The following ZKSCAN4 variants were observed in gnomAD, a reference collection of about 807,000 sequenced individuals.
ZKSCAN4 encodes zinc finger with KRAB and SCAN domains 4, also known as zinc finger protein with KRAB and SCAN domains 4.
A neutral mutation model predicts 30.8 loss-of-function variants in ZKSCAN4; 23 were observed. The ratio of observed to expected loss-of-function variants is 0.75; its 90% CI spans 0.54 to 1.06. The LOEUF (loss-of-function observed/expected upper bound fraction) is 1.06, where lower values mean the gene tolerates loss of function less well. Ranked by LOEUF, ZKSCAN4 falls within the 50% of genes least tolerant of loss-of-function variation. ZKSCAN4 has a pLI of 0.00. For synonymous variants in ZKSCAN4, 208 were observed against 252.5 expected (o/e 0.82, Z 1.67); for missense variants, 556 against 665.4 (o/e 0.84, Z 1.81).
the ZKSCAN4 span, among the ~76,000 whole-genome samples, chr6:28,258,620 T>C: frequency 1.4e-5 from 2 of 141,132 alleles, no homozygotes. Flanking sequence ...CTACAAATAA[T>C]TATTAAAAAA....
the ZKSCAN4 span, among the ~76,000 whole-genome samples, chr6:28,258,768 C>CA: frequency 2.1e-5 from 3 of 142,532 alleles, no homozygotes; most frequent in African/African-American, 7.8e-5. Flanking sequence ...ATCCTGTCTC[C>CA]AAAAAAAAAA....
At chr6:28,259,063 A>G in the ZKSCAN4 span, among the ~76,000 whole-genome samples, 3 of 152,204 alleles carry the variant, frequency 2.0e-5, no homozygotes, top group African/African-American at 7.2e-5. Context: ...ATCGAAAAAG[A>G]GAAGTGGGTG....
chr6:28,252,070 A>C lies in ZKSCAN4; in HGVS notation c.-90T>G. 1 of 1,397,862 alleles carries C rather than the reference A, an allele frequency of 7.2e-7. No individual in the cohort carries two copies. The highest frequency in any genetic ancestry group is 9.6e-7 in the Non-Finnish European group (1 of 1,042,352). The allele number at this position is 1,397,862 out of a possible 1,614,324, so 86.6% of individuals were successfully genotyped here. A position where few individuals can be genotyped will look rare whatever the true frequency, so the allele number is the denominator to read the frequency against. On this transcript the variant is annotated 5_prime_UTR_variant, in exon 1 of 5. Transcript: ENST00000377294. ...GAAGGGTGGTAAATTTTCCAGTAGA[A>C]CTGCAAGTGGTCCCCCTCCTGTCAT...
chr6:28,248,364 C>T (rs1451099980), intron 2 of ZKSCAN4, among the ~76,000 whole-genome samples: 1 of 152,168 alleles, frequency 6.6e-6, no homozygotes, highest in East Asian at 1.9e-4. Flanking sequence ...CGTGCAGAAT[C>T]GTTGGTAGGA....
rs68175458 is a variant in ZKSCAN4 at position 28,243,663 on chromosome 6, TC to T, written c.*1452del. 9.4e-3 allele frequency among the ~76,000 whole-genome samples: 1,416 copies of T among 150,808 alleles called. 22 individuals carry two copies. Among genetic ancestry groups the T allele is most frequent in the African/African-American group, 0.029 (1,200 of 40,786 alleles). On this transcript the variant is annotated 3_prime_UTR_variant, in exon 5 of 5. Transcript: ENST00000377294. ...GCTTCTGAACAGACACATTTTCTTT[TC>T]TTTTTTTTTTTTCTTTTTGAGACAG...
At position 28,251,025 on chromosome 6, in the gene ZKSCAN4, C is replaced by T. The variant is rs146286490; in HGVS notation, c.423+533G>A. On this transcript the variant is annotated intron_variant, in intron 1 of 4. Transcript: ENST00000377294. This position sits in a 1 kb window ranked among gnomAD's most constrained non-coding sequence, Gnocchi z 4.5. The stretch of plus-strand genomic sequence containing the variant: ...TCATAACCAGTGGTCCATGGACTTT[C>T]TCCCAAGTGGTCCATGAACTTAGAA... Among the ~76,000 whole-genome samples the T allele has an allele frequency of 1.9e-3, 293 of 152,338 alleles. 4 individuals are homozygous for T. Among genetic ancestry groups the T allele is most frequent in the Admixed American group, 0.017 (266 of 15,306 alleles).
chr6:28,256,720 T>C (rs1476893448), upstream of ZKSCAN4, among the ~76,000 whole-genome samples: 1 of 152,238 alleles, frequency 6.6e-6, no homozygotes, highest in Admixed American at 6.5e-5. Context: ...AAAGGTATGG[T>C]AGGCATTTAT....
intron 4 of ZKSCAN4, 181 bp from the exon 5 acceptor site, chr6:28,246,156 T>A: frequency 1.3e-6 from 1 of 742,614 alleles, no homozygotes; most frequent in Non-Finnish European, 2.1e-6. Flanking sequence ...GAAGGAGGCC[T>A]GAGAATGAGA....
intron 2 of ZKSCAN4, among the ~76,000 whole-genome samples, chr6:28,248,854 A>C (rs1352467156): frequency 6.6e-6 from 1 of 151,784 alleles, no homozygotes; most frequent in Admixed American, 6.6e-5. Flanking sequence ...AGAAAAAAGA[A>C]AAAGAAAAAC....
Position 28,249,777 on chromosome 6 carries a change from G to A in ZKSCAN4, c.481C>T (p.Gln161Ter). ...LLCCKMALLT[Q>*]TQGSQSSQCQ... is the part of the protein sequence containing the mutation. The stretch of plus-strand genomic sequence containing the variant: ...TGGCTACTTTGAGACCCTTGAGTTT[G>A]TGTCAATAGTGCCATCTTGCAACAG... The change falls in exon 2 of 5, where the codon CAA becomes TAA. Residue 161 changes from glutamine (Q) to a stop codon, truncating the protein, a stop_gained. Coordinates refer to ENST00000377294, the MANE Select transcript of ZKSCAN4 (RefSeq NM_019110.5). LOFTEE classifies it high-confidence loss of function. The surrounding 1 kb of genome is among the most constrained non-coding windows in gnomAD (Gnocchi z 4.1). 1.2e-6 allele frequency: 2 copies of A among 1,614,148 alleles called. No individual in the cohort carries two copies. Among genetic ancestry groups the A allele is most frequent in the South Asian group, 2.2e-5 (2 of 91,076 alleles).
In ZKSCAN4 at chr6:28,249,682, C is replaced by T. The variant is rs1760899239; in HGVS notation, c.571+5G>A. ...AATTCATACAACCCAGAAGAGAATA[C>T]TCACCTCTATCGTGTAAGGGCTGGG... On this transcript the variant is annotated splice_donor_5th_base_variant and intron_variant, in intron 2 of 4. Transcript: ENST00000377294. This position sits in a 1 kb window ranked among gnomAD's most constrained non-coding sequence, Gnocchi z 4.1. The T allele has an allele frequency of 1.2e-6, 2 of 1,612,724 alleles. No individual in the cohort carries two copies. The highest frequency in any genetic ancestry group is 1.1e-5 in the South Asian group (1 of 90,708).
Position 28,244,882 on chromosome 6 carries a change from G to T in ZKSCAN4, c.*234C>A. 1.7e-6 allele frequency: 1 copy of T among 584,512 alleles called. No individual in the cohort carries two copies. Among genetic ancestry groups the T allele is most frequent in the Non-Finnish European group, 3.0e-6 (1 of 329,462 alleles). 36.2% of individuals were successfully genotyped at this position (584,512 alleles called of 1,614,324 possible). ...CACTGGGTGAGAACAAACTATTTTAGGTCCTACAACTTCCAGACCACTCTC... is the reference window on the plus strand; with the variant it reads ...CACTGGGTGAGAACAAACTATTTTATGTCCTACAACTTCCAGACCACTCTC... On this transcript the variant is annotated 3_prime_UTR_variant, in exon 5 of 5. Coordinates refer to ENST00000377294, the MANE Select transcript of ZKSCAN4 (RefSeq NM_019110.5).
rs1020813368 is a variant in ZKSCAN4, at chr6:28,248,118, C to T, written c.603G>A (p.Gly201=). Residue 201 remains glycine (G), a synonymous_variant, in exon 3 of 5, where the codon GGG becomes GGA. Transcript: ENST00000377294. ...VLQVPGLAQG[G]CCREDAMVAS... is the part of the protein sequence containing the mutation. The stretch of plus-strand genomic sequence containing the variant: ...CTACCATTGCATCTTCTCTGCAGCA[C>T]CCTCCCTGGGCAAGCCCAGGAACCT... The T allele has an allele frequency of 2.5e-6, 4 of 1,613,618 alleles. No homozygotes were observed. Among genetic ancestry groups the T allele is most frequent in the African/African-American group, 1.3e-5 (1 of 74,894 alleles).
Position 28,247,069 on chromosome 6 carries a change from C to T in ZKSCAN4, c.678G>A (p.Val226=), listed in dbSNP as rs1239225345. The T allele has an allele frequency of 1.2e-6, 2 of 1,609,952 alleles. No homozygotes were observed. The highest frequency in any genetic ancestry group is 1.7e-6 in the Non-Finnish European group (2 of 1,178,226). Reference sequence around the variant, plus strand: ...TCCACCCAGGAGTGAGGGTCAGGGCCACATCTTCCATTTTCAGCAAACCCT... The same window carrying T: ...TCCACCCAGGAGTGAGGGTCAGGGCTACATCTTCCATTTTCAGCAAACCCT... The part of the protein sequence containing the change: ...GSQGLLKMED[V]ALTLTPGWTQ... Residue 226 remains valine (V), a synonymous_variant, in exon 4 of 5, where the codon GTG becomes GTA. Coordinates refer to ENST00000377294, the MANE Select transcript of ZKSCAN4 (RefSeq NM_019110.5).
chr6:28,249,699 A>G lies in ZKSCAN4; in HGVS notation c.559T>C (p.Leu187=). 1 of 1,614,032 alleles carries G rather than the reference A, an allele frequency of 6.2e-7. No homozygotes were observed. Among genetic ancestry groups the G allele is most frequent in the Non-Finnish European group, 8.5e-7 (1 of 1,179,964 alleles). The part of the protein sequence containing the change: ...FKHESLGSQP[L]HDRVLQVPGL... ...AGAGAATACTCACCTCTATCGTGTA[A>G]GGGCTGGGATCCCAGAGATTCATGC... The change falls in exon 2 of 5, where the codon TTA becomes CTA. Residue 187 remains leucine (L), a synonymous_variant. Coordinates refer to ENST00000377294, the MANE Select transcript of ZKSCAN4 (RefSeq NM_019110.5). This position sits in a 1 kb window ranked among gnomAD's most constrained non-coding sequence, Gnocchi z 4.1.
chr6:28,252,201 A>C lies in ZKSCAN4; in HGVS notation c.-221T>G, dbSNP rs984279959. On this transcript the variant is annotated 5_prime_UTR_variant, in exon 1 of 5. Transcript: ENST00000377294. ...GCACCCCACTCTGAATCCCACAGTA[A>C]GTATCACCAAAGGATGTCTTTGGGA... 32 of 409,130 alleles carry C rather than the reference A, an allele frequency of 7.8e-5. No individual in the cohort carries two copies. Among genetic ancestry groups the C allele is most frequent in the East Asian group, 6.8e-4 (19 of 28,110 alleles). The allele number at this position is 409,130 out of a possible 1,614,324, so 25.3% of individuals were successfully genotyped here.
In ZKSCAN4 at chr6:28,252,236, A is replaced by T; in HGVS notation, c.-256T>A. 1 of 338,458 alleles carries T rather than the reference A, an allele frequency of 3.0e-6. No homozygotes were observed. Among genetic ancestry groups the T allele is most frequent in the Non-Finnish European group, 5.3e-6 (1 of 188,248 alleles). 21.0% of individuals were successfully genotyped at this position (338,458 alleles called of 1,614,324 possible). A position where few individuals can be genotyped will look rare whatever the true frequency, so the allele number is the denominator to read the frequency against. The stretch of plus-strand genomic sequence containing the variant: ...AAGGATGTCTTTGGGAGTGAAAGTG[A>T]TCACTCTCCAGACATAGGAGGGAAG... On this transcript the variant is annotated 5_prime_UTR_variant, in exon 1 of 5. Coordinates refer to ENST00000377294, the MANE Select transcript of ZKSCAN4 (RefSeq NM_019110.5).
rs1760913385 is a variant in ZKSCAN4 at position 28,249,872 on chromosome 6, C to G, written c.424-38G>C. On this transcript the variant is annotated intron_variant, in intron 1 of 4. Coordinates refer to ENST00000377294, the MANE Select transcript of ZKSCAN4 (RefSeq NM_019110.5). The surrounding 1 kb of genome is among the most constrained non-coding windows in gnomAD (Gnocchi z 4.1). ...ATTTTTAGTTATCTACCCAACATTTCTATGTTTTCCATGTGCAAGTGATTT... is the reference window on the plus strand; with the variant it reads ...ATTTTTAGTTATCTACCCAACATTTGTATGTTTTCCATGTGCAAGTGATTT... 3 of 1,608,496 alleles carry G rather than the reference C, an allele frequency of 1.9e-6. No homozygotes were observed. Among genetic ancestry groups the G allele is most frequent in the East Asian group, 4.5e-5 (2 of 44,748 alleles).
chr6:28,246,979 C>T lies in ZKSCAN4; in HGVS notation c.768G>A (p.Leu256=). ...GTGTCTCAGTCTTACCAAGGGAGACCAGGCTGCTATGGTTCTCCTGCTTTT... is the reference window on the plus strand; with the variant it reads ...GTGTCTCAGTCTTACCAAGGGAGACTAGGCTGCTATGGTTCTCCTGCTTTT... ...RDEKQENHSS[L]VSLGGEIQTK... is the part of the protein sequence containing the mutation. The change falls in exon 4 of 5, where the codon CTG becomes CTA. Residue 256 remains leucine, a synonymous_variant. Transcript: ENST00000377294. 2 of 1,610,406 alleles carry T rather than the reference C, an allele frequency of 1.2e-6. No individual in the cohort carries two copies. Among genetic ancestry groups the T allele is most frequent in the South Asian group, 2.2e-5 (2 of 90,264 alleles).
Sources: allele counts gnomAD v4.1 joint callset (sites outside exome capture counted in the v4.1 genomes callset), GRCh38; gene constraint gnomAD v4.1.1; non-coding constraint Gnocchi (gnomAD v3.1); transcripts MANE v1.5; gene names NCBI Gene and HGNC (gene_info 2026-07-23, HGNC 2026-07-21).